ITPR2: variants seen among roughly 807,000 people sequenced by gnomAD.
ITPR2 encodes the protein inositol 1,4,5-trisphosphate receptor type 2, also known as inositol 1,4,5-trisphosphate-gated calcium channel ITPR2.
In ITPR2, 207 loss-of-function variants were observed where a neutral mutation model predicts 317.1. The observed-to-expected ratio is 0.65, with a 90% confidence interval of 0.58 to 0.73. The LOEUF is 0.73. Among genes scored for constraint, ITPR2 ranks in the 30% least tolerant of loss-of-function variants. The probability of loss-of-function intolerance (pLI) is 0.00; values close to 1 mark genes in which losing one functional copy is unlikely to be tolerated. For synonymous variants in ITPR2, 1,156 were observed against 1,149.1 expected (o/e 1.01, Z -0.12); for missense variants, 2,613 against 3,284.0 (o/e 0.80, Z 4.99).
At chr12:26,740,141 C>T (rs958985971) in intron 2 of ITPR2, among the ~76,000 whole-genome samples, 8 of 152,080 alleles carry the variant, frequency 5.3e-5, no homozygotes, top group Non-Finnish European at 1.0e-4. Context: ...ACACAGCACA[C>T]AATAAAATTA....
In ITPR2 at chr12:26,339,137, T is replaced by G. The variant is rs143526916; in HGVS notation, c.*260A>C. On this transcript the variant is annotated 3_prime_UTR_variant, in exon 57 of 57. Transcript: ENST00000381340. ...CTGCCGCTCCCTGCCCTCTCCAGCC[T>G]TTTGGGCAAGCCTTTTCTTCCTGAT... 2.6e-6 allele frequency: 1 copy of G among 384,226 alleles called. No homozygotes were observed. The highest frequency in any genetic ancestry group is 4.7e-6 in the Non-Finnish European group (1 of 211,410). 23.8% of individuals were successfully genotyped at this position (384,226 alleles called of 1,614,324 possible).
At chr12:26,590,798 G>A (rs1161934349) in intron 32 of ITPR2, among the ~76,000 whole-genome samples, 1 of 152,162 alleles carries the variant, frequency 6.6e-6, no homozygotes, top group Non-Finnish European at 1.5e-5. Context: ...AAAGGCTTCA[G>A]GTCGGGCACA....
intron 37 of ITPR2, among the ~76,000 whole-genome samples, chr12:26,537,127 G>A (rs563280547): frequency 3.9e-5 from 6 of 152,144 alleles, no homozygotes; most frequent in Non-Finnish European, 5.9e-5. Context: ...GTTCTGGAGC[G>A]GGAGAGGAAG....
At chr12:26,373,033 G>A (rs1225127877) in intron 55 of ITPR2, among the ~76,000 whole-genome samples, 1 of 152,132 alleles carries the variant, frequency 6.6e-6, no homozygotes, top group Non-Finnish European at 1.5e-5. Context: ...GTAATCATGT[G>A]GACTGCATAA....
At chr12:26,617,721 AGG>A (rs1946402413) in intron 26 of ITPR2, among the ~76,000 whole-genome samples, 14 of 105,994 alleles carry the variant, frequency 1.3e-4, no homozygotes, top group East Asian at 8.9e-4. Context: ...GGAGGGAAGG[AGG>A]AAGGGAGGGA....
In ITPR2 at chr12:26,644,522, T is replaced by G. The variant is rs1433340559; in HGVS notation, c.2740+9454A>C. On this transcript the variant is annotated intron_variant, in intron 21 of 56. Transcript: ENST00000381340. ...GAAAGAGGTTTAATTGACTCACAAT[T>G]CCACATGGCTGGGGAGGCCTCACAA... Among the ~76,000 whole-genome samples the G allele has an allele frequency of 2.6e-5, 4 of 152,128 alleles. No homozygotes were observed. In the East Asian group the frequency reaches 7.7e-4, roughly 29 times the overall value.
intron 9 of ITPR2, among the ~76,000 whole-genome samples, chr12:26,710,014 G>A (rs1263126943): frequency 1.1e-4 from 16 of 152,122 alleles, no homozygotes; most frequent in African/African-American, 3.4e-4. Flanking sequence ...CGAGGCAGGC[G>A]CTTGAGTCCA....
intron 50 of ITPR2, 79 bp downstream of exon 50, chr12:26,418,970 A>C: frequency 7.9e-7 from 1 of 1,268,044 alleles, no homozygotes; most frequent in East Asian, 2.6e-5. Flanking sequence ...TTAAAAAAAA[A>C]AATCAAAGGA....
rs1951142222 is a variant in ITPR2 at position 26,832,915 on chromosome 12, GC to G, written c.-135del. On this transcript the variant is annotated 5_prime_UTR_variant, in exon 1 of 57. Coordinates refer to ENST00000381340, the MANE Select transcript of ITPR2 (RefSeq NM_002223.4). ...GCCAAGAGCCGCGGCGGAGGGCACG[GC>G]CCGAGCCACTGAGCGTCGCGGCTCA... 1 of 684,918 alleles carries G rather than the reference GC, an allele frequency of 1.5e-6. No homozygotes were observed. The highest frequency in any genetic ancestry group is 1.7e-5 in the South Asian group (1 of 60,538). 42.4% of individuals were successfully genotyped at this position (684,918 alleles called of 1,614,324 possible). A position where few individuals can be genotyped will look rare whatever the true frequency, so the allele number is the denominator to read the frequency against.
chr12:26,815,959 G>A (rs1950844763), intron 1 of ITPR2, among the ~76,000 whole-genome samples: 1 of 151,982 alleles, frequency 6.6e-6, no homozygotes, highest in Non-Finnish European at 1.5e-5. Context: ...CGGGCGTGGT[G>A]GCACACGCCT....
chr12:26,396,268 A>G (rs1302512002), intron 54 of ITPR2, among the ~76,000 whole-genome samples: 1 of 152,154 alleles, frequency 6.6e-6, no homozygotes, highest in African/African-American at 2.4e-5. Context: ...TCCAAGGTTG[A>G]TGGAGTGTCC....
intron 37 of ITPR2, among the ~76,000 whole-genome samples, chr12:26,495,820 T>C (rs1214320357): frequency 6.6e-6 from 1 of 152,064 alleles, no homozygotes; most frequent in Non-Finnish European, 1.5e-5. Context: ...AGGAATTTAG[T>C]CAAAATAGCC....
At chr12:26,771,764 T>C (rs890317692) in intron 2 of ITPR2, among the ~76,000 whole-genome samples, 1 of 152,118 alleles carries the variant, frequency 6.6e-6, no homozygotes, top group African/African-American at 2.4e-5. Context: ...CCGCCCATCT[T>C]GGCCTCCCAA....
intron 55 of ITPR2, among the ~76,000 whole-genome samples, chr12:26,369,057 T>C (rs1268543904): frequency 1.3e-5 from 2 of 152,172 alleles, no homozygotes; most frequent in Admixed American, 6.5e-5. Context: ...TGCTGCAGGC[T>C]GAAAGAAGAA....
chr12:26,817,581 T>C (rs1229232719), intron 1 of ITPR2, among the ~76,000 whole-genome samples: 1 of 152,224 alleles, frequency 6.6e-6, no homozygotes, highest in Non-Finnish European at 1.5e-5. Flanking sequence ...TTTTTACCAC[T>C]GACTGATTTT....
intron 35 of ITPR2, among the ~76,000 whole-genome samples, chr12:26,557,730 A>ATGTTGTGTTAT: frequency 6.6e-6 from 1 of 152,310 alleles, no homozygotes; most frequent in East Asian, 1.9e-4. Flanking sequence ...TTTTAGTTGA[A>ATGTTGTGTTAT]TGTTGTGTTA....
intron 13 of ITPR2, among the ~76,000 whole-genome samples, chr12:26,676,476 C>T (rs7137686): frequency 0.57 from 82,257 of 143,888 alleles, 23,344 homozygotes; most frequent in East Asian, 0.67. Flanking sequence ...GACTCTGTCT[C>T]TAAAAAAAAA....
intron 2 of ITPR2, among the ~76,000 whole-genome samples, chr12:26,763,411 T>A (rs1329679106): frequency 2.0e-5 from 3 of 152,070 alleles, no homozygotes; most frequent in Admixed American, 2.0e-4. Context: ...TTTTTTCCCA[T>A]CGAAGTTTAT....
intron 55 of ITPR2, among the ~76,000 whole-genome samples, chr12:26,344,620 G>C (rs1281289412): frequency 6.6e-6 from 1 of 151,990 alleles, no homozygotes; most frequent in East Asian, 1.9e-4. Flanking sequence ...CATAGCTGGT[G>C]CCATTTGAGC....
Sources: gnomAD v4.1 joint callset for allele counts (sites outside exome capture counted in the v4.1 genomes callset) on GRCh38, gnomAD v4.1.1 for gene constraint, MANE v1.5 for transcripts, NCBI Gene and HGNC (gene_info 2026-07-23, HGNC 2026-07-21) for gene names.